KCTD10: variants seen among roughly 807,000 people sequenced by gnomAD.
KCTD10 encodes potassium channel tetramerization domain containing 10.
In KCTD10, 13 loss-of-function variants were observed where a neutral mutation model predicts 34.6. That is an observed-to-expected ratio of 0.38 (90% CI 0.24 to 0.60). The LOEUF (loss-of-function observed/expected upper bound fraction) is 0.60, where lower values mean the gene tolerates loss of function less well. Among genes scored for constraint, KCTD10 ranks in the 20% least tolerant of loss-of-function variants. The pLI is 0.66. For missense variants in KCTD10, 256 were observed against 420.3 expected, an observed-to-expected ratio of 0.61 and a Z score of 3.42; for synonymous variants, 156 against 168.8, an observed-to-expected ratio of 0.92 and a Z score of 0.59.
chr12:109,471,393 G>A, intron 1 of KCTD10: 1 of 985,456 alleles, frequency 1.0e-6, no homozygotes, highest in Non-Finnish European at 1.2e-6. Context: ...GAGTGAAACA[G>A]AGAAAGAACG....
At chr12:109,458,570 G>A (rs936106231) in intron 3 of KCTD10, 1 of 155,030 alleles carries the variant, frequency 6.5e-6, no homozygotes, top group African/African-American at 2.4e-5. Context: ...TGAAACCAGT[G>A]GGCGGAAGCA....
chr12:109,456,055 AG>A, intron 6 of KCTD10, 62 bp downstream of exon 6: 24 of 1,494,208 alleles, frequency 1.6e-5, no homozygotes, highest in Non-Finnish European at 2.1e-5. Flanking sequence ...CTCAAGTGAA[AG>A]GAAGTTCTAT....
chr12:109,456,069 G>C lies in KCTD10; in HGVS notation c.723+49C>G. 4 of 1,554,468 alleles carry C rather than the reference G, an allele frequency of 2.6e-6. No homozygotes were observed. In the South Asian group the frequency reaches 3.4e-5, roughly 13 times the overall value. On this transcript the variant is annotated intron_variant, in intron 6 of 6. Coordinates refer to ENST00000228495, the MANE Select transcript of KCTD10 (RefSeq NM_031954.5). ...GCTCAAGTGAAAGGAAGTTCTATAG[G>C]TGTGTGTTTCAGAACAGCCACTCCA...
intron 2 of KCTD10, among the ~76,000 whole-genome samples, chr12:109,467,865 G>C (rs1372510967): frequency 1.3e-5 from 2 of 152,114 alleles, no homozygotes; most frequent in Admixed American, 1.3e-4. Flanking sequence ...CGGGGACAGG[G>C]GGACAGAGGA....
At chr12:109,452,111 TAC>T (rs1252900055) in intron 6 of KCTD10, among the ~76,000 whole-genome samples, 1 of 152,206 alleles carries the variant, frequency 6.6e-6, no homozygotes, top group Non-Finnish European at 1.5e-5. Context: ...ATATGTGTAA[TAC>T]ACATATTTAT....
At chr12:109,471,133 G>A (rs1464062499) in intron 1 of KCTD10, 1 of 985,304 alleles carries the variant, frequency 1.0e-6, no homozygotes, top group Non-Finnish European at 1.2e-6. Context: ...CCCTGAAACT[G>A]AAAAAGAATT....
intron 2 of KCTD10, among the ~76,000 whole-genome samples, chr12:109,465,198 G>A (rs571588705): frequency 2.6e-4 from 39 of 152,284 alleles, no homozygotes; most frequent in African/African-American, 9.1e-4. Flanking sequence ...TATGGCTCCG[G>A]CAGCGGCTGT....
In KCTD10 at chr12:109,458,225, G is replaced by T. The variant is rs1370831945; in HGVS notation, c.388-147C>A. The T allele has an allele frequency of 8.0e-6, 5 of 625,340 alleles. No individual in the cohort carries two copies. In the Admixed American group the frequency reaches 1.4e-4, roughly 17 times the overall value. 38.7% of individuals were successfully genotyped at this position (625,340 alleles called of 1,614,324 possible). ...GATTCTCACCACCAGTGAACTAGAT[G>T]GGGGAAGACAGGGAGTTGAATTTCC... On this transcript the variant is annotated intron_variant, in intron 3 of 6. Coordinates refer to ENST00000228495, the MANE Select transcript of KCTD10 (RefSeq NM_031954.5).
chr12:109,451,440 T>C lies in KCTD10; in HGVS notation c.*155A>G, dbSNP rs572071990. The C allele has an allele frequency of 7.7e-5, 54 of 701,138 alleles. No individual in the cohort carries two copies. Among genetic ancestry groups the C allele is most frequent in the Non-Finnish European group, 1.1e-4 (48 of 434,580 alleles). 43.4% of individuals were successfully genotyped at this position (701,138 alleles called of 1,614,324 possible). On this transcript the variant is annotated 3_prime_UTR_variant, in exon 7 of 7. Coordinates refer to ENST00000228495, the MANE Select transcript of KCTD10 (RefSeq NM_031954.5). This position sits in a 1 kb window ranked among gnomAD's most constrained non-coding sequence, Gnocchi z 5.0. ...CTGGGTCAAGACAATCAATTTGCCT[T>C]GTCAAGCAATACCAAAATAATCATC...
In KCTD10 at chr12:109,468,760, C is replaced by A. The variant is rs1277866793; in HGVS notation, c.217+755G>T. ...CTCCGCCTCCCGAGTTCACGTCATT[C>A]TCCTGCCTCAGCCTCCCGAGTAGCT... On this transcript the variant is annotated intron_variant, in intron 2 of 6. Transcript: ENST00000228495. Among the ~76,000 whole-genome samples the A allele has an allele frequency of 2.0e-5, 3 of 150,038 alleles. No individual in the cohort carries two copies. The East Asian group carries it at 5.9e-4, about 30-fold the overall frequency.
At chr12:109,473,737 A>T (rs36094325) in intron 1 of KCTD10, among the ~76,000 whole-genome samples, 25,676 of 149,834 alleles carry the variant, frequency 0.17, 2,233 homozygotes, top group African/African-American at 0.19. Flanking sequence ...ACCATAGCAA[A>T]CCTCTCTAGG....
intron 2 of KCTD10, among the ~76,000 whole-genome samples, chr12:109,461,029 T>G (rs1873298476): frequency 6.6e-6 from 1 of 152,198 alleles, no homozygotes; most frequent in Non-Finnish European, 1.5e-5. Flanking sequence ...GTGACCCTGG[T>G]CTGAGGCTCT....
chr12:109,470,738 C>T (rs1435177722), intron 1 of KCTD10: 2 of 290,866 alleles, frequency 6.9e-6, no homozygotes, highest in African/African-American at 2.3e-5. Flanking sequence ...CATGTCCGGA[C>T]ACAGACAAAA....
rs1365746891 is a variant in KCTD10 at position 109,469,666 on chromosome 12, A to C, written c.66T>G (p.Thr22=). ...AGCTGGGGCTCGTGCCCTTGAAGGA[A>C]GTGGTGCGGGTAGCAGCCGCTGGCA... ...SAVPAAATRT[T]SFKGTSPSSK... is the part of the protein sequence containing the mutation. Residue 22 remains threonine (T), a synonymous_variant, in exon 2 of 7, where the codon ACT becomes ACG. Coordinates refer to ENST00000228495, the MANE Select transcript of KCTD10 (RefSeq NM_031954.5). 6.2e-7 allele frequency: 1 copy of C among 1,614,206 alleles called. No individual in the cohort carries two copies. Among genetic ancestry groups the C allele is most frequent in the South Asian group, 1.1e-5 (1 of 91,088 alleles).
chr12:109,454,489 G>A (rs1872926183), intron 6 of KCTD10, among the ~76,000 whole-genome samples: 1 of 152,218 alleles, frequency 6.6e-6, no homozygotes, highest in Non-Finnish European at 1.5e-5. Flanking sequence ...AACACTTTGG[G>A]AGGCCAAGGT....
At chr12:109,452,516 A>G (rs1872822808) in intron 6 of KCTD10, among the ~76,000 whole-genome samples, 1 of 152,202 alleles carries the variant, frequency 6.6e-6, no homozygotes, top group Non-Finnish European at 1.5e-5. Context: ...ACTAGACTCC[A>G]CTTTCAGGGT....
intron 1 of KCTD10, chr12:109,470,327 C>A (rs1348723978): frequency 2.0e-6 from 2 of 985,458 alleles, no homozygotes; most frequent in African/African-American, 3.5e-5. Context: ...GAGGACTAAA[C>A]AACAGACATG....
intron 2 of KCTD10, among the ~76,000 whole-genome samples, chr12:109,468,894 C>T (rs552401476): frequency 4.6e-5 from 7 of 152,118 alleles, no homozygotes; most frequent in Admixed American, 1.3e-4. Flanking sequence ...CCTCGTGATC[C>T]GCCCGCCTCA....
In KCTD10 at chr12:109,460,921, T is replaced by A; in HGVS notation, c.218-116A>T. ...CCTCCCAGCGGAGAGCGGGACTGCC[T>A]GGAGAATGGCAGCCTCACCTGCCTA... is the stretch of plus-strand genomic sequence containing the variant. On this transcript the variant is annotated intron_variant, in intron 2 of 6. Coordinates refer to ENST00000228495, the MANE Select transcript of KCTD10 (RefSeq NM_031954.5). The surrounding 1 kb of genome is among the most constrained non-coding windows in gnomAD (Gnocchi z 4.5). The A allele has an allele frequency of 9.5e-7, 1 of 1,057,942 alleles. No individual in the cohort carries two copies. The highest frequency in any genetic ancestry group is 1.4e-6 in the Non-Finnish European group (1 of 737,340). 65.5% of individuals were successfully genotyped at this position (1,057,942 alleles called of 1,614,324 possible). A position where few individuals can be genotyped will look rare whatever the true frequency, so the allele number is the denominator to read the frequency against.
Sources: gnomAD v4.1 joint callset for allele counts (sites outside exome capture counted in the v4.1 genomes callset) on GRCh38, gnomAD v4.1.1 for gene constraint, Gnocchi (gnomAD v3.1) non-coding constraint, MANE v1.5 for transcripts, NCBI Gene and HGNC (gene_info 2026-07-23, HGNC 2026-07-21) for gene names.